The following SPMIP11 variants were observed in gnomAD, a reference collection of about 807,000 sequenced individuals.
SPMIP11 encodes the protein sperm microtubule inner protein 11.
At chr12:48,770,861 G>A in the SPMIP11 span, 22 of 1,614,122 alleles carry the variant, frequency 1.4e-5, no homozygotes, top group African/African-American at 1.5e-4. Context: ...AGTGATGTGG[G>A]AGCGGCCCAC....
chr12:48,737,039 T>C, the SPMIP11 span, among the ~76,000 whole-genome samples: 1 of 151,028 alleles, frequency 6.6e-6, no homozygotes, highest in East Asian at 2.0e-4. Context: ...AACCTCTGCC[T>C]CCTGGGCTCA....
At chr12:48,729,659 G>A in the SPMIP11 span, among the ~76,000 whole-genome samples, 8 of 149,736 alleles carry the variant, frequency 5.3e-5, no homozygotes, top group East Asian at 5.9e-4. Flanking sequence ...GCAGTGAGCC[G>A]AGATCGCGCC....
the SPMIP11 span, among the ~76,000 whole-genome samples, chr12:48,742,277 C>CTTTTTTTTTTT: frequency 1.2e-3 from 106 of 87,206 alleles, 4 homozygotes; most frequent in African/African-American, 1.5e-3. Flanking sequence ...CTTTTCTTTT[C>CTTTTTTTTTTT]CTTTTTTTTT....
chr12:48,735,003 C>CAA, the SPMIP11 span, among the ~76,000 whole-genome samples: 19,402 of 83,998 alleles, frequency 0.23, 3,242 homozygotes, highest in Middle Eastern at 0.33. Context: ...GACTCTGTCT[C>CAA]AAAAAAAAAA....
chr12:48,765,439 C>T, the SPMIP11 span, among the ~76,000 whole-genome samples: 1 of 152,162 alleles, frequency 6.6e-6, no homozygotes, highest in African/African-American at 2.4e-5. Flanking sequence ...CCATCTTGGC[C>T]AGGCTGGTCT....
chr12:48,763,744 T>G, the SPMIP11 span, among the ~76,000 whole-genome samples: 2 of 151,216 alleles, frequency 1.3e-5, no homozygotes, highest in Non-Finnish European at 2.9e-5. Context: ...AGTGGCACGA[T>G]CTCAGCTCAC....
chr12:48,728,434 T>C, the SPMIP11 span, among the ~76,000 whole-genome samples: 7 of 151,906 alleles, frequency 4.6e-5, no homozygotes, highest in Non-Finnish European at 8.8e-5. Context: ...GATGGCCGGG[T>C]GCGGTGGCTC....
chr12:48,735,493 G>A, the SPMIP11 span, among the ~76,000 whole-genome samples: 1 of 152,116 alleles, frequency 6.6e-6, no homozygotes, highest in East Asian at 1.9e-4. Flanking sequence ...GCTGAGGCAG[G>A]AGAATCACTT....
At chr12:48,771,391 T>C in the SPMIP11 span, 5 of 515,794 alleles carry the variant, frequency 9.7e-6, 1 homozygote, top group Non-Finnish European at 1.8e-5. This position sits in a 1 kb window ranked among gnomAD's most constrained non-coding sequence, Gnocchi z 4.3. Flanking sequence ...CTTGCTTGGT[T>C]GGTCTCATGA....
the SPMIP11 span, among the ~76,000 whole-genome samples, chr12:48,728,826 G>T: frequency 6.6e-6 from 1 of 152,124 alleles, no homozygotes; most frequent in African/African-American, 2.4e-5. Context: ...GGGTAAAGTG[G>T]AGAGGTGCTG....
At chr12:48,743,990 G>A in the SPMIP11 span, among the ~76,000 whole-genome samples, 782 of 143,834 alleles carry the variant, frequency 5.4e-3, 9 homozygotes, top group African/African-American at 0.019. Context: ...GCTCATACCT[G>A]TAATCCTAGC....
the SPMIP11 span, among the ~76,000 whole-genome samples, chr12:48,734,517 A>T: frequency 6.6e-6 from 1 of 152,168 alleles, no homozygotes; most frequent in African/African-American, 2.4e-5. Flanking sequence ...TAGGTATATC[A>T]TAATTTTAGG....
the SPMIP11 span, among the ~76,000 whole-genome samples, chr12:48,756,771 C>CTTTTTTTTTTTTTTTTTTTTTTTT: frequency 9.2e-6 from 1 of 108,648 alleles, no homozygotes; most frequent in African/African-American, 2.9e-5. Context: ...ATTTTTTTTT[C>CTTTTTTTTTTTTTTTTTTTTTTTT]TTTTTTTCTT....
At chr12:48,740,966 C>T in the SPMIP11 span, among the ~76,000 whole-genome samples, 1 of 151,904 alleles carries the variant, frequency 6.6e-6, no homozygotes, top group South Asian at 2.1e-4. Context: ...AAAATTTTTC[C>T]TTCCAGGATC....
the SPMIP11 span, among the ~76,000 whole-genome samples, chr12:48,736,413 C>CAA: frequency 1.4e-3 from 102 of 71,394 alleles, no homozygotes; most frequent in East Asian, 3.2e-3. Flanking sequence ...GACTCTGTCT[C>CAA]AAAAAAAAAA....
chr12:48,733,901 G>A, the SPMIP11 span, among the ~76,000 whole-genome samples: 1 of 149,690 alleles, frequency 6.7e-6, no homozygotes, highest in Middle Eastern at 3.2e-3. Context: ...CTCCCGAGTA[G>A]CTGGTACTAC....
the SPMIP11 span, chr12:48,759,144 C>T: frequency 7.2e-6 from 5 of 693,448 alleles, no homozygotes; most frequent in Non-Finnish European, 1.3e-5. Flanking sequence ...AGCATGGAGA[C>T]CAGGGAATCA....
the SPMIP11 span, among the ~76,000 whole-genome samples, chr12:48,753,780 C>T: frequency 6.7e-6 from 1 of 149,280 alleles, no homozygotes; most frequent in African/African-American, 2.5e-5. Context: ...CGGCTCACTG[C>T]AACCTCTGCC....
chr12:48,768,148 T>C, the SPMIP11 span: 4 of 246,110 alleles, frequency 1.6e-5, no homozygotes, highest in Non-Finnish European at 2.4e-5. Flanking sequence ...GCACTCCTCA[T>C]GCCTGTCTTT....
Sources: allele counts gnomAD v4.1 joint callset (sites outside exome capture counted in the v4.1 genomes callset), GRCh38; gene constraint gnomAD v4.1.1; non-coding constraint Gnocchi (gnomAD v3.1); transcripts MANE v1.5; gene names NCBI Gene and HGNC (gene_info 2026-07-23, HGNC 2026-07-21).